Variants in MPRIP observed in about 807,000 individuals in gnomAD.
MPRIP encodes the protein myosin phosphatase Rho-interacting protein.
Under a neutral mutation model 234.9 loss-of-function variants are expected in MPRIP, and 59 were observed. The ratio of observed to expected loss-of-function variants is 0.25; its 90% CI spans 0.20 to 0.31. The LOEUF is 0.31. MPRIP is among the 10% of genes least tolerant of loss of function. The pLI is 1.00. For synonymous variants in MPRIP, 1,144 were observed against 1,263.9 expected (o/e 0.91, Z 2.01); for missense variants, 2,436 against 3,071.0 (o/e 0.79, Z 4.89).
intron 3 of MPRIP, among the ~76,000 whole-genome samples, chr17:17,100,884 T>C (rs1161318569): frequency 6.6e-6 from 1 of 152,164 alleles, no homozygotes; most frequent in African/African-American, 2.4e-5. Flanking sequence ...ACAAAAGTGG[T>C]CCTTGGTACC....
intron 1 of MPRIP, among the ~76,000 whole-genome samples, chr17:17,056,853 CA>C (rs1369133864): frequency 6.6e-6 from 1 of 152,136 alleles, no homozygotes; most frequent in Non-Finnish European, 1.5e-5. Context: ...GAAATTTCAT[CA>C]AAACAGAATC....
rs905436694 is a variant in MPRIP at position 17,165,336 on chromosome 17, G to A, written c.3745G>A (p.Val1249Ile). 3.1e-6 allele frequency: 4 copies of A among 1,303,968 alleles called. No individual in the cohort carries two copies. In the African/African-American group the frequency reaches 4.6e-5, roughly 15 times the overall value. 80.8% of individuals were successfully genotyped at this position (1,303,968 alleles called of 1,614,324 possible). The change falls in exon 16 of 24, where the codon GTC becomes ATC. Residue 1249 changes from valine to isoleucine, a missense_variant. Around this residue, in one of 4 missense-constraint regions of MPRIP, gnomAD observed 1,998 missense variants for 2,520.3 expected, o/e 0.79. Transcript: ENST00000651222. ...TGGCACTTTGCTCCCAGGCCAACCAGTCCAAGCCACTAGGGCACCTCTAGG... is the reference window on the plus strand; with the variant it reads ...TGGCACTTTGCTCCCAGGCCAACCAATCCAAGCCACTAGGGCACCTCTAGG... ...RDGTLLPGQP[V>I]QATRAPLGLP...
intron 3 of MPRIP, among the ~76,000 whole-genome samples, chr17:17,079,533 C>T (rs929176233): frequency 2.6e-5 from 4 of 152,218 alleles, no homozygotes; most frequent in Non-Finnish European, 5.9e-5. Flanking sequence ...GGGGTCAGAG[C>T]TGGGCTCCTG....
intron 16 of MPRIP, chr17:17,168,961 C>T (rs1444225770): frequency 4.4e-6 from 2 of 456,870 alleles, no homozygotes; most frequent in Non-Finnish European, 8.8e-6. Context: ...CCCGTTACTC[C>T]TGTAGCTCTG....
rs747820572 is a variant in MPRIP at position 17,154,312 on chromosome 17, G to A, written c.1726G>A (p.Glu576Lys). 5 of 1,614,012 alleles carry A rather than the reference G, an allele frequency of 3.1e-6. No homozygotes were observed. The Admixed American group carries it at 8.3e-5, about 27-fold the overall frequency. The change falls in exon 13 of 24, where the codon GAG (glutamate) becomes AAG (lysine). Residue 576 changes from glutamate to lysine, a missense_variant. This residue lies in a region of MPRIP where 1,998 missense variants were observed against 2,520.3 expected (regional missense o/e 0.79). Coordinates refer to ENST00000651222, the MANE Select transcript of MPRIP (RefSeq NM_001364716.4). ...CCTCATCTTTTCTCTGTAGACAAAGGAGGGCGAGTTTACCCTGTCGGCCAT... is the reference window on the plus strand; with the variant it reads ...CCTCATCTTTTCTCTGTAGACAAAGAAGGGCGAGTTTACCCTGTCGGCCAT... ...RNYGFQIHTK[E>K]GEFTLSAMTS...
intron 1 of MPRIP, among the ~76,000 whole-genome samples, chr17:17,056,547 A>G (rs946154895): frequency 6.6e-6 from 1 of 151,752 alleles, no homozygotes; most frequent in African/African-American, 2.4e-5. Context: ...GCCAGCCAGC[A>G]GCTGTGGGCC....
chr17:17,143,760 C>A, intron 9 of MPRIP, 91 bp downstream of exon 9: 1 of 789,856 alleles, frequency 1.3e-6, no homozygotes, highest in Non-Finnish European at 1.9e-6. Flanking sequence ...GCGTCCATGC[C>A]AGCTGTCCCT....
chr17:17,139,311 G>C (rs1240169784), intron 7 of MPRIP, among the ~76,000 whole-genome samples: 1 of 152,216 alleles, frequency 6.6e-6, no homozygotes, highest in Non-Finnish European at 1.5e-5. Context: ...TTGACAGCAG[G>C]GTTCCTCAGC....
chr17:17,061,398 G>T (rs2143929377), intron 1 of MPRIP, among the ~76,000 whole-genome samples: 1 of 152,352 alleles, frequency 6.6e-6, no homozygotes, highest in South Asian at 2.1e-4. Flanking sequence ...TATTTGCTGT[G>T]AGTGTGGAAG....
At chr17:17,062,219 A>G (rs977353552) in intron 1 of MPRIP, among the ~76,000 whole-genome samples, 1 of 152,094 alleles carries the variant, frequency 6.6e-6, no homozygotes, top group Non-Finnish European at 1.5e-5. Context: ...TTGTTCTGCC[A>G]GGAATGACCA....
chr17:17,113,479 T>C (rs893684506), intron 3 of MPRIP, among the ~76,000 whole-genome samples: 2 of 152,238 alleles, frequency 1.3e-5, no homozygotes, highest in Non-Finnish European at 2.9e-5. Flanking sequence ...AGAATTTCTT[T>C]CCTTTTTATG....
intron 14 of MPRIP, 84 bp from the exon 15 acceptor site, chr17:17,161,156 A>G (rs2045855614): frequency 2.2e-6 from 2 of 898,568 alleles, no homozygotes; most frequent in Admixed American, 2.6e-5. Context: ...GCCACATGGA[A>G]GACCAGTGAA....
rs1044949991 is a variant in MPRIP at position 17,187,527 on chromosome 17, A to G, written c.*2633A>G. On this transcript the variant is annotated 3_prime_UTR_variant, in exon 24 of 24. Transcript: ENST00000651222. ...ATCCTGCGATGGAGTGAACCAGGCG[A>G]GAAAGGATGACGATGTTCTTCATGT... The G allele has an allele frequency of 3.5e-4, 54 of 152,240 alleles. No homozygotes were observed. Among genetic ancestry groups the G allele is most frequent in the African/African-American group, 1.3e-3 (53 of 41,452 alleles). The allele number at this position is 152,240 out of a possible 1,614,324, so 9.4% of individuals were successfully genotyped here. A position where few individuals can be genotyped will look rare whatever the true frequency, so the allele number is the denominator to read the frequency against.
rs557564523 is a variant in MPRIP at position 17,091,546 on chromosome 17, G to C, written c.267+13470G>C. Among the ~76,000 whole-genome samples the C allele has an allele frequency of 5.3e-5, 8 of 152,344 alleles. No homozygotes were observed. The South Asian group carries it at 1.7e-3, about 32-fold the overall frequency. ...CGTGCGTATTAGGTGCTGGGTGACT[G>C]GGGGCTGAATGGAATGTGTTGTCCA... On this transcript the variant is annotated intron_variant, in intron 3 of 23. Coordinates refer to ENST00000651222, the MANE Select transcript of MPRIP (RefSeq NM_001364716.4).
chr17:17,139,262 C>T (rs2090765636), intron 7 of MPRIP, among the ~76,000 whole-genome samples: 1 of 152,244 alleles, frequency 6.6e-6, no homozygotes, highest in Non-Finnish European at 1.5e-5. Context: ...CGCCTTCAAT[C>T]AGGCTTGCAC....
At chr17:17,147,156 G>A (rs947860620) in intron 10 of MPRIP, among the ~76,000 whole-genome samples, 163 bp from the exon 11 acceptor site, 11 of 152,230 alleles carry the variant, frequency 7.2e-5, no homozygotes, top group South Asian at 2.1e-4. Flanking sequence ...CCTGCAGTCC[G>A]AGCAGAGTCC....
chr17:17,121,971 G>A (rs1158934984), intron 3 of MPRIP, among the ~76,000 whole-genome samples: 1 of 152,166 alleles, frequency 6.6e-6, no homozygotes, highest in African/African-American at 2.4e-5. Context: ...CTCCATCCAT[G>A]TCCCTGCAAA....
intron 3 of MPRIP, among the ~76,000 whole-genome samples, chr17:17,115,191 A>G (rs1035105952): frequency 6.6e-6 from 1 of 152,238 alleles, no homozygotes; most frequent in Non-Finnish European, 1.5e-5. Flanking sequence ...GCTGAATCTT[A>G]GAAGAGGGCC....
chr17:17,089,254 G>C (rs1354643587), intron 3 of MPRIP, among the ~76,000 whole-genome samples: 4 of 152,298 alleles, frequency 2.6e-5, no homozygotes, highest in East Asian at 3.9e-4. Context: ...ACTTAGCTAA[G>C]GTCCAGATGT....
Sources: allele counts gnomAD v4.1 joint callset (sites outside exome capture counted in the v4.1 genomes callset), GRCh38; gene constraint gnomAD v4.1.1; regional missense constraint gnomAD v4.1.1; transcripts MANE v1.5; gene names NCBI Gene and HGNC (gene_info 2026-07-23, HGNC 2026-07-21).